The following SCGB2B2 variants were observed in gnomAD, a reference collection of about 807,000 sequenced individuals.
The protein encoded by SCGB2B2 is secretoglobin-like protein.
A neutral mutation model predicts 7.6 loss-of-function variants in SCGB2B2; 11 were observed. That is an observed-to-expected ratio of 1.45 (90% confidence interval 0.91 to 2.40). SCGB2B2 has a LOEUF of 2.40. SCGB2B2 is among the 30% of genes most tolerant of loss of function. SCGB2B2 has a pLI of 0.00. For missense variants in SCGB2B2, 104 were observed against 115.4 expected, an observed-to-expected ratio of 0.90 and a Z score of 0.45; for synonymous variants, 50 against 48.6, an observed-to-expected ratio of 1.03 and a Z score of -0.12.
intron 1 of SCGB2B2, among the ~76,000 whole-genome samples, chr19:34,615,700 T>C (rs907400489): frequency 2.0e-5 from 3 of 152,148 alleles, no homozygotes; most frequent in African/African-American, 2.4e-5. Flanking sequence ...TCATAAAATG[T>C]GTTTGAAAGT....
At chr19:34,613,932 T>C (rs555215979) in intron 1 of SCGB2B2, among the ~76,000 whole-genome samples, 15 of 152,364 alleles carry the variant, frequency 9.8e-5, no homozygotes, top group Middle Eastern at 3.4e-3. Context: ...CTGTCAGCAC[T>C]TTGAATATAT....
chr19:34,637,196 C>T lies in SCGB2B2; in HGVS notation c.-2032+38434G>A, dbSNP rs192786229. On this transcript the variant is annotated intron_variant, in intron 1 of 3. Coordinates refer to ENST00000601241, the MANE Select transcript of SCGB2B2 (RefSeq NM_001025591.4). ...ACAATGATTCTGCATAGTCACTCTG[C>T]CAGGGCGAGGCCAAGCCTGGTGGGA... Among the ~76,000 whole-genome samples, 494 of 152,248 alleles carry T rather than the reference C, an allele frequency of 3.2e-3. 1 individual carries two copies. The highest frequency in any genetic ancestry group is 5.1e-3 in the Admixed American group (78 of 15,300).
chr19:34,658,807 CAACAACAAAAAAAAA>C (rs1198008668), intron 1 of SCGB2B2, among the ~76,000 whole-genome samples: 9 of 61,122 alleles, frequency 1.5e-4, no homozygotes, highest in African/African-American at 4.3e-4. Context: ...ACAACAACAA[CAACAACAAAAAAAAA>C]AAAAAAAAAA....
At chr19:34,590,397 TCATCCATTCATCCATC>T (rs1568425700), downstream of SCGB2B2, among the ~76,000 whole-genome samples, 14 of 71,890 alleles carry the variant, frequency 1.9e-4, no homozygotes, top group South Asian at 4.5e-3. Context: ...ATCCATCCAT[TCATCCATTCATCCATC>T]CATCCATCAT....
intron 1 of SCGB2B2, among the ~76,000 whole-genome samples, chr19:34,666,597 G>A (rs571407597): frequency 6.6e-6 from 1 of 152,118 alleles, no homozygotes; most frequent in South Asian, 2.1e-4. Context: ...GACTCTCCAG[G>A]TCCCAGCCAA....
chr19:34,637,862 CT>C (rs2066729613), intron 1 of SCGB2B2: 1 of 152,254 alleles, frequency 6.6e-6, no homozygotes, highest in South Asian at 2.1e-4. Context: ...CAATTGCCAA[CT>C]TCAATGGCAT....
chr19:34,674,911 G>A (rs1283611174), intron 1 of SCGB2B2, among the ~76,000 whole-genome samples: 1 of 152,160 alleles, frequency 6.6e-6, no homozygotes, highest in African/African-American at 2.4e-5. Context: ...CCTAGTCACT[G>A]CACTATCTCA....
At chr19:34,612,045 TTTTTTTTTTTTTTA>T (rs1429467140) in intron 1 of SCGB2B2, among the ~76,000 whole-genome samples, 17 of 104,450 alleles carry the variant, frequency 1.6e-4, no homozygotes, top group South Asian at 1.5e-3. Flanking sequence ...TTTTTTTTTT[TTTTTTTTTTTTTTA>T]GGATAGTCTC....
chr19:34,662,922 C>A (rs1221017009), intron 1 of SCGB2B2, among the ~76,000 whole-genome samples: 1 of 151,860 alleles, frequency 6.6e-6, no homozygotes, highest in Admixed American at 6.6e-5. Flanking sequence ...CTGAGAGAGA[C>A]CCTGTCTCCA....
At position 34,675,867 on chromosome 19, in the gene SCGB2B2, A is replaced by G. The variant is rs1468285224; in HGVS notation, c.-2269T>C. On this transcript the variant is annotated 5_prime_UTR_variant, in exon 1 of 4. Transcript: ENST00000601241. Reference sequence around the variant, plus strand: ...ACAGTGAGTGTTACAGCTCCTAAAGACGGCGTGTCTGGAGTTGTTCGTTCC... The same window carrying G: ...ACAGTGAGTGTTACAGCTCCTAAAGGCGGCGTGTCTGGAGTTGTTCGTTCC... The G allele has an allele frequency of 6.7e-6, 1 of 150,222 alleles. No homozygotes were observed. The highest frequency in any genetic ancestry group is 1.5e-5 in the Non-Finnish European group (1 of 68,194). The allele number at this position is 150,222 out of a possible 1,614,324, so 9.3% of individuals were successfully genotyped here.
chr19:34,636,676 G>A (rs975644990), intron 1 of SCGB2B2, among the ~76,000 whole-genome samples: 1 of 152,198 alleles, frequency 6.6e-6, no homozygotes, highest in Non-Finnish European at 1.5e-5. Flanking sequence ...TTCAGTGTAG[G>A]AAAGAGAAAT....
At chr19:34,617,085 T>C (rs1434531311) in intron 1 of SCGB2B2, among the ~76,000 whole-genome samples, 1 of 152,258 alleles carries the variant, frequency 6.6e-6, no homozygotes, top group African/African-American at 2.4e-5. Context: ...TTTGGTTATG[T>C]AGCCTTGCAG....
chr19:34,651,698 T>C (rs762241207), intron 1 of SCGB2B2, among the ~76,000 whole-genome samples: 5 of 151,222 alleles, frequency 3.3e-5, no homozygotes, highest in Admixed American at 2.0e-4. Flanking sequence ...AAAATGACCA[T>C]GTTACCAAAA....
chr19:34,633,392 G>A (rs1359214371), intron 1 of SCGB2B2, among the ~76,000 whole-genome samples: 2 of 152,182 alleles, frequency 1.3e-5, no homozygotes, highest in African/African-American at 4.8e-5. Context: ...TTTAACAAAT[G>A]AGCAGCAAAA....
At chr19:34,625,506 G>A (rs574640626) in intron 1 of SCGB2B2, among the ~76,000 whole-genome samples, 176 of 152,326 alleles carry the variant, frequency 1.2e-3, no homozygotes, top group African/African-American at 4.1e-3. Context: ...CTACAACCAC[G>A]GAGCCTCGCT....
intron 1 of SCGB2B2, among the ~76,000 whole-genome samples, chr19:34,621,078 A>G (rs1297224854): frequency 2.6e-5 from 4 of 152,234 alleles, no homozygotes; most frequent in Non-Finnish European, 5.9e-5. Flanking sequence ...TTAAAGTCGC[A>G]TGAAGTAAAA....
chr19:34,636,407 G>A (rs2066681204), intron 1 of SCGB2B2, among the ~76,000 whole-genome samples: 1 of 152,204 alleles, frequency 6.6e-6, no homozygotes, highest in African/African-American at 2.4e-5. Flanking sequence ...AGGAGAGGCT[G>A]CATCTCCCTC....
chr19:34,625,770 A>G (rs2066356968), intron 1 of SCGB2B2, among the ~76,000 whole-genome samples: 1 of 152,176 alleles, frequency 6.6e-6, no homozygotes, highest in Non-Finnish European at 1.5e-5. Context: ...TGAAGAGAGT[A>G]GTGGTTCTCC....
intron 1 of SCGB2B2, among the ~76,000 whole-genome samples, chr19:34,665,485 G>A (rs997729406): frequency 6.6e-6 from 1 of 152,176 alleles, no homozygotes; most frequent in Non-Finnish European, 1.5e-5. Flanking sequence ...GGCTGAAAGT[G>A]CAAGCTTGCC....
Sources: allele counts gnomAD v4.1 joint callset (sites outside exome capture counted in the v4.1 genomes callset), GRCh38; gene constraint gnomAD v4.1.1; transcripts MANE v1.5; gene names NCBI Gene and HGNC (gene_info 2026-07-23, HGNC 2026-07-21).